Variants in PELI2 observed in about 807,000 individuals in gnomAD.
PELI2 encodes the protein pellino E3 ubiquitin protein ligase family member 2.
Under a neutral mutation model 42.3 loss-of-function variants are expected in PELI2, and 23 were observed. The observed-to-expected ratio is 0.54, with a 90% CI of 0.39 to 0.77. The LOEUF (loss-of-function observed/expected upper bound fraction) is 0.77. Among genes scored for constraint, PELI2 ranks in the 30% least tolerant of loss-of-function variants. The pLI is 0.00. For synonymous variants in PELI2, 245 were observed against 212.2 expected, an observed-to-expected ratio of 1.15 and a Z score of -1.34; for missense variants, 463 against 553.2, an observed-to-expected ratio of 0.84 and a Z score of 1.64.
At chr14:56,230,330 A>C (rs928146477) in intron 2 of PELI2, among the ~76,000 whole-genome samples, 11 of 152,354 alleles carry the variant, frequency 7.2e-5, no homozygotes, top group African/African-American at 2.4e-4. Flanking sequence ...GAAGGAAAAA[A>C]TGTTAAGGGC....
chr14:56,208,011 G>A (rs981678432), intron 2 of PELI2, among the ~76,000 whole-genome samples: 3 of 152,200 alleles, frequency 2.0e-5, no homozygotes, highest in African/African-American at 7.2e-5. Flanking sequence ...AGTTGTAAAA[G>A]CCAGACATCT....
At chr14:56,162,892 GTCTT>G (rs1302645350) in intron 1 of PELI2, among the ~76,000 whole-genome samples, 3 of 151,930 alleles carry the variant, frequency 2.0e-5, no homozygotes, top group Admixed American at 1.3e-4. Context: ...TCATTTGTAT[GTCTT>G]TCTTTGAGAA....
At chr14:56,144,968 C>G (rs1884059542) in intron 1 of PELI2, 1 of 984,086 alleles carries the variant, frequency 1.0e-6, no homozygotes, top group South Asian at 4.7e-5. Flanking sequence ...TGTGGAAGAC[C>G]CAGTTTGGAA....
At chr14:56,125,502 C>T (rs3895331) in intron 1 of PELI2, among the ~76,000 whole-genome samples, 13,445 of 151,746 alleles carry the variant, frequency 0.089, 1,040 homozygotes, top group African/African-American at 0.2. Context: ...AAAGCTTTTC[C>T]GAGAAAATAG....
intron 5 of PELI2, among the ~76,000 whole-genome samples, chr14:56,294,008 C>T (rs1889920779): frequency 6.6e-6 from 1 of 152,082 alleles, no homozygotes; most frequent in African/African-American, 2.4e-5. Flanking sequence ...CCTCACGTCA[C>T]CAGTTAGAGG....
intron 2 of PELI2, among the ~76,000 whole-genome samples, chr14:56,258,007 G>A (rs1347682013): frequency 6.6e-6 from 1 of 152,172 alleles, no homozygotes; most frequent in African/African-American, 2.4e-5. Context: ...AATGGGGAAA[G>A]AACTACTGGA....
chr14:56,289,611 C>A (rs1423551365), intron 4 of PELI2, among the ~76,000 whole-genome samples: 1 of 152,010 alleles, frequency 6.6e-6, no homozygotes, highest in Non-Finnish European at 1.5e-5. Context: ...TCCCCACCAC[C>A]CCCCAACCCC....
intron 2 of PELI2, among the ~76,000 whole-genome samples, chr14:56,274,584 A>G (rs1033220731): frequency 1.8e-4 from 27 of 152,148 alleles, no homozygotes; most frequent in African/African-American, 6.5e-4. Flanking sequence ...GAGGAAGAAA[A>G]TTCTCTAGAC....
intron 2 of PELI2, among the ~76,000 whole-genome samples, chr14:56,251,833 C>T (rs2139816184): frequency 6.6e-6 from 1 of 152,308 alleles, no homozygotes; most frequent in African/African-American, 2.4e-5. Context: ...GTTAAAGCTT[C>T]ACATCAAGAG....
At chr14:56,177,947 C>G (rs1217580161) in intron 1 of PELI2, among the ~76,000 whole-genome samples, 5 of 152,148 alleles carry the variant, frequency 3.3e-5, no homozygotes, top group Non-Finnish European at 7.4e-5. Context: ...TATTTTCTAA[C>G]TAGTTCATTT....
chr14:56,125,584 G>A (rs932922451), intron 1 of PELI2, among the ~76,000 whole-genome samples: 4 of 152,110 alleles, frequency 2.6e-5, no homozygotes, highest in Admixed American at 1.3e-4. Flanking sequence ...GCCACCTTGA[G>A]TGGGTTCTGC....
At chr14:56,154,872 T>TAACATTC (rs1884491656) in intron 1 of PELI2, among the ~76,000 whole-genome samples, 1 of 152,250 alleles carries the variant, frequency 6.6e-6, no homozygotes, top group South Asian at 2.1e-4. Context: ...AGTAACATTC[T>TAACATTC]TAACGGTAGT....
chr14:56,256,082 C>G (rs1419895212), intron 2 of PELI2, among the ~76,000 whole-genome samples: 1 of 152,134 alleles, frequency 6.6e-6, no homozygotes, highest in African/African-American at 2.4e-5. Context: ...CATCTTAACT[C>G]CTGTGTCATC....
At chr14:56,252,605 T>TGAGAGGAAGAGGAGAACAGCTTCTTGCAA (rs1888385467) in intron 2 of PELI2, among the ~76,000 whole-genome samples, 1 of 151,680 alleles carries the variant, frequency 6.6e-6, no homozygotes, top group Non-Finnish European at 1.5e-5. Context: ...AGTGGAAAGG[T>TGAGAGGAAGAGGAGAACAGCTTCTTGCAA]GAGAGGAAGA....
intron 1 of PELI2, among the ~76,000 whole-genome samples, chr14:56,161,163 T>G (rs1884748529): frequency 6.6e-6 from 1 of 152,204 alleles, no homozygotes; most frequent in South Asian, 2.1e-4. Flanking sequence ...TGCCAGGAAA[T>G]AGCCCCTCAA....
At chr14:56,260,626 C>T (rs1006434532) in intron 2 of PELI2, among the ~76,000 whole-genome samples, 2 of 152,148 alleles carry the variant, frequency 1.3e-5, no homozygotes, top group African/African-American at 2.4e-5. Flanking sequence ...TAAATGTAAA[C>T]TATACCTCAA....
At chr14:56,137,980 C>A (rs546208870) in intron 1 of PELI2, among the ~76,000 whole-genome samples, 23 of 152,278 alleles carry the variant, frequency 1.5e-4, no homozygotes, top group African/African-American at 5.5e-4. Context: ...GCACATTTCC[C>A]TTGGGCTGTC....
chr14:56,171,395 A>T (rs1033919348), intron 1 of PELI2, among the ~76,000 whole-genome samples: 1 of 152,180 alleles, frequency 6.6e-6, no homozygotes, highest in African/African-American at 2.4e-5. Flanking sequence ...CTCCAGATGC[A>T]GGCTCTCTGA....
At chr14:56,168,551 G>T (rs1287999102) in intron 1 of PELI2, among the ~76,000 whole-genome samples, 9 of 152,144 alleles carry the variant, frequency 5.9e-5, no homozygotes, top group Middle Eastern at 3.4e-3. Flanking sequence ...GCCTGGCCTG[G>T]GACTCACCCT....
Sources: allele counts gnomAD v4.1 joint callset (sites outside exome capture counted in the v4.1 genomes callset), GRCh38; gene constraint gnomAD v4.1.1; transcripts MANE v1.5; gene names NCBI Gene and HGNC (gene_info 2026-07-23, HGNC 2026-07-21).